RLIM: variants seen among roughly 807,000 people sequenced by gnomAD.
RLIM encodes the protein ring finger protein, LIM domain interacting, also known as E3 ubiquitin-protein ligase RLIM.
In RLIM, 2 loss-of-function variants were observed where a neutral mutation model predicts 34.0. The ratio of observed to expected loss-of-function variants is 0.06; its 90% CI spans 0.02 to 0.19. RLIM has a LOEUF of 0.19. RLIM is among the 10% of genes least tolerant of loss of function. The probability of loss-of-function intolerance (pLI) is 1.00; values close to 1 mark genes in which losing one functional copy is unlikely to be tolerated. For missense variants in RLIM, 286 were observed against 479.7 expected, an observed-to-expected ratio of 0.60 and a Z score of 3.77; for synonymous variants, 169 against 164.0, an observed-to-expected ratio of 1.03 and a Z score of -0.23.
rs1250089400 is a variant in RLIM at position 74,590,512 on chromosome X, A to ACTGTC, written c.*923_*927dup. ...GGTCTTCAACACGGTTTAATTCTGC[A>ACTGTC]CTGTCCTTTCCTTTGCATGTCACAG... On this transcript the variant is annotated 3_prime_UTR_variant, in exon 4 of 4. Transcript: ENST00000332687. 8.9e-6 allele frequency: 1 copy of ACTGTC among 112,645 alleles called. No homozygotes were observed. The highest frequency in any genetic ancestry group is 1.9e-5 in the Non-Finnish European group (1 of 53,300). The allele number at this position is 112,645 out of a possible 1,213,427, so 9.3% of individuals were successfully genotyped here.
chrX:74,606,514 CTG>C (rs1393195824), intron 1 of RLIM, among the ~76,000 whole-genome samples: 3 of 112,163 alleles, frequency 2.7e-5, no homozygotes, highest in Admixed American at 1.9e-4. Flanking sequence ...ATGCAAATGA[CTG>C]TTTCTGATTA....
Position 74,592,178 on chromosome X carries a change from G to A in RLIM, c.1137C>T (p.Val379=), listed in dbSNP as rs1403231805. The change falls in exon 4 of 4, where the codon GTC becomes GTT. Residue 379 remains valine, a synonymous_variant. Coordinates refer to ENST00000332687, the MANE Select transcript of RLIM (RefSeq NM_016120.4). Reference sequence around the variant, plus strand: ...TACGAATGGGAATTCTGATGGTACTGACATAGGTTCTCACACCTGCCCGCT... The same window carrying A: ...TACGAATGGGAATTCTGATGGTACTAACATAGGTTCTCACACCTGCCCGCT... ...RSERAGVRTY[V]STIRIPIRRI... The A allele has an allele frequency of 1.7e-6, 2 of 1,209,919 alleles. No individual in the cohort carries two copies. The highest frequency in any genetic ancestry group is 2.2e-6 in the Non-Finnish European group (2 of 895,000).
chrX:74,598,319 C>T (rs1033028840), intron 1 of RLIM, among the ~76,000 whole-genome samples: 1 of 111,278 alleles, frequency 9.0e-6, no homozygotes, highest in Non-Finnish European at 1.9e-5. Flanking sequence ...TGGTAATATG[C>T]CAAAAGGTAA....
intron 1 of RLIM, among the ~76,000 whole-genome samples, chrX:74,609,612 G>A (rs2147382930): frequency 9.4e-6 from 1 of 106,819 alleles, no homozygotes; most frequent in Admixed American, 1.0e-4. Context: ...GCTGACAATT[G>A]TCCTTCCTGA....
chrX:74,601,562 A>C (rs1194672769), intron 1 of RLIM, among the ~76,000 whole-genome samples: 1 of 111,932 alleles, frequency 8.9e-6, no homozygotes, highest in Non-Finnish European at 1.9e-5. Flanking sequence ...TATTTGCTTC[A>C]CATAGGGATG....
intron 1 of RLIM, among the ~76,000 whole-genome samples, chrX:74,604,028 T>C (rs1224693542): frequency 3.7e-5 from 4 of 109,057 alleles, no homozygotes; most frequent in African/African-American, 6.7e-5. Flanking sequence ...GGCAGGAGAA[T>C]TGCTTGAACC....
At chrX:74,605,569 A>G (rs1487629098) in intron 1 of RLIM, among the ~76,000 whole-genome samples, 1 of 112,216 alleles carries the variant, frequency 8.9e-6, no homozygotes, top group Admixed American at 9.5e-5. Flanking sequence ...GGATCTTTCA[A>G]CATCATCGTA....
intron 1 of RLIM, among the ~76,000 whole-genome samples, chrX:74,599,068 T>G (rs2079651110): frequency 8.9e-6 from 1 of 111,800 alleles, no homozygotes; most frequent in Non-Finnish European, 1.9e-5. Flanking sequence ...ATTTTGAGTT[T>G]TATCAGGAAA....
rs2079595315 is a variant in RLIM at position 74,587,978 on chromosome X, C to T, written c.*3462G>A. 8.9e-6 allele frequency: 1 copy of T among 112,148 alleles called. No individual in the cohort carries two copies. Among genetic ancestry groups the T allele is most frequent in the South Asian group, 3.7e-4 (1 of 2,739 alleles). 9.2% of individuals were successfully genotyped at this position (112,148 alleles called of 1,213,427 possible). On this transcript the variant is annotated 3_prime_UTR_variant, in exon 4 of 4. Transcript: ENST00000332687. ...GGTGCTAAAGGTCTTATAAACTGTA[C>T]AATTACCTACATTCCAACACTAATG...
chrX:74,611,687 T>C (rs2079711667), intron 1 of RLIM, among the ~76,000 whole-genome samples: 1 of 112,160 alleles, frequency 8.9e-6, no homozygotes, highest in South Asian at 3.6e-4. Context: ...ACTACAACCT[T>C]TCATTTTCAT....
rs1401223801 is a variant in RLIM at position 74,588,455 on chromosome X, AG to A, written c.*2984del. On this transcript the variant is annotated 3_prime_UTR_variant, in exon 4 of 4. Transcript: ENST00000332687. ...CATTGCACTTCATCCTGGGCAACCA[AG>A]TAAGACTCTGTCTCAAAAAAACAAA... is the stretch of plus-strand genomic sequence containing the variant. 11 of 111,904 alleles carry A rather than the reference AG, an allele frequency of 9.8e-5. No individual in the cohort carries two copies. Among genetic ancestry groups the A allele is most frequent in the African/African-American group, 3.3e-4 (10 of 30,693 alleles). 9.2% of individuals were successfully genotyped at this position (111,904 alleles called of 1,213,427 possible).
chrX:74,599,005 T>C (rs1229637519), intron 1 of RLIM, among the ~76,000 whole-genome samples: 1 of 111,518 alleles, frequency 9.0e-6, no homozygotes, highest in Non-Finnish European at 1.9e-5. Context: ...AGTATCATTC[T>C]TCTCATTAGT....
Position 74,590,977 on chromosome X carries a change from T to C in RLIM, c.*463A>G, listed in dbSNP as rs1345626616. 1 of 125,826 alleles carries C rather than the reference T, an allele frequency of 7.9e-6. No homozygotes were observed. Among genetic ancestry groups the C allele is most frequent in the Non-Finnish European group, 1.6e-5 (1 of 60,809 alleles). 10.4% of individuals were successfully genotyped at this position (125,826 alleles called of 1,213,427 possible). ...AGGTGAACAAACAATACTCAGAATGTGGCTGAATTTGTGTTAACTAATAAC... is the reference window on the plus strand; with the variant it reads ...AGGTGAACAAACAATACTCAGAATGCGGCTGAATTTGTGTTAACTAATAAC... On this transcript the variant is annotated 3_prime_UTR_variant, in exon 4 of 4. Transcript: ENST00000332687.
chrX:74,607,648 G>A (rs1380237403), intron 1 of RLIM, among the ~76,000 whole-genome samples: 2 of 112,842 alleles, frequency 1.8e-5, no homozygotes, highest in Non-Finnish European at 1.9e-5. Flanking sequence ...GGTGGAGGTT[G>A]CAGTGAGCAG....
rs2079610053 is a variant in RLIM, at chrX:74,590,998, A to C, written c.*442T>G. Reference sequence around the variant, plus strand: ...AATGTGGCTGAATTTGTGTTAACTAATAACTGGGAATGATATAGCTTTAAT... The same window carrying C: ...AATGTGGCTGAATTTGTGTTAACTACTAACTGGGAATGATATAGCTTTAAT... On this transcript the variant is annotated 3_prime_UTR_variant, in exon 4 of 4. Coordinates refer to ENST00000332687, the MANE Select transcript of RLIM (RefSeq NM_016120.4). 1 of 126,320 alleles carries C rather than the reference A, an allele frequency of 7.9e-6. No homozygotes were observed. The highest frequency in any genetic ancestry group is 1.6e-5 in the Non-Finnish European group (1 of 61,141). The allele number at this position is 126,320 out of a possible 1,213,427, so 10.4% of individuals were successfully genotyped here.
chrX:74,613,799 T>C (rs994925727), intron 1 of RLIM, among the ~76,000 whole-genome samples: 7 of 110,144 alleles, frequency 6.4e-5, no homozygotes, highest in African/African-American at 2.0e-4. Flanking sequence ...CAGTGATACC[T>C]GGCAAAGGAT....
chrX:74,609,322 C>G (rs2079696321), intron 1 of RLIM, among the ~76,000 whole-genome samples: 1 of 107,780 alleles, frequency 9.3e-6, no homozygotes, highest in Non-Finnish European at 1.9e-5. Context: ...CCCGTCTCTA[C>G]TAAAAATAGA....
Position 74,591,361 on chromosome X carries a change from C to G in RLIM, c.*79G>C. 2 of 756,376 alleles carry G rather than the reference C, an allele frequency of 2.6e-6. No homozygotes were observed. Among genetic ancestry groups the G allele is most frequent in the Non-Finnish European group, 3.9e-6 (2 of 509,232 alleles). The allele number at this position is 756,376 out of a possible 1,213,427, so 62.3% of individuals were successfully genotyped here. A position where few individuals can be genotyped will look rare whatever the true frequency, so the allele number is the denominator to read the frequency against. On this transcript the variant is annotated 3_prime_UTR_variant, in exon 4 of 4. Coordinates refer to ENST00000332687, the MANE Select transcript of RLIM (RefSeq NM_016120.4). ...TGTTACTTTACATTTAAGTACCACT[C>G]AAAAAGTGGACATAAAAGCAAGTGA...
chrX:74,601,267 CA>C (rs1279147874), intron 1 of RLIM, among the ~76,000 whole-genome samples: 1 of 110,963 alleles, frequency 9.0e-6, no homozygotes, highest in East Asian at 2.8e-4. Flanking sequence ...AACAACTTTT[CA>C]AAGAAAATCA....
Sources: gnomAD v4.1 joint callset for allele counts (sites outside exome capture counted in the v4.1 genomes callset) on GRCh38, gnomAD v4.1.1 for gene constraint, MANE v1.5 for transcripts, NCBI Gene and HGNC (gene_info 2026-07-23, HGNC 2026-07-21) for gene names.